Variants in OTOG observed in about 807,000 individuals in gnomAD.
The protein encoded by OTOG is otogelin.
In OTOG, 296 loss-of-function variants were observed where a neutral mutation model predicts 313.8. The observed-to-expected ratio is 0.94, with a 90% confidence interval of 0.86 to 1.04. OTOG has a LOEUF of 1.04. OTOG is among the 50% of genes least tolerant of loss of function. The pLI is 0.00. For synonymous variants in OTOG, 1,533 were observed against 1,554.9 expected, an observed-to-expected ratio of 0.99 and a Z score of 0.33; for missense variants, 3,948 against 3,840.1, an observed-to-expected ratio of 1.03 and a Z score of -0.74.
intron 15 of OTOG, among the ~76,000 whole-genome samples, chr11:17,567,266 T>C (rs2134018443): frequency 6.6e-6 from 1 of 152,298 alleles, no homozygotes; most frequent in Non-Finnish European, 1.5e-5. Flanking sequence ...TTAGATACAA[T>C]GATTTTGAGC....
chr11:17,572,018 C>T (rs1565098092), intron 17 of OTOG, 62 bp from the exon 18 acceptor site: 1 of 1,544,904 alleles, frequency 6.5e-7, no homozygotes, highest in East Asian at 2.5e-5. Flanking sequence ...TGGATCTATG[C>T]TATTTGTGCC....
chr11:17,630,071 A>G (rs1207814083), intron 40 of OTOG, among the ~76,000 whole-genome samples: 1 of 151,988 alleles, frequency 6.6e-6, no homozygotes, highest in Non-Finnish European at 1.5e-5. Context: ...CTGCATCCAA[A>G]TTCCCTCTAC....
intron 22 of OTOG, among the ~76,000 whole-genome samples, chr11:17,577,914 T>C (rs1852570036): frequency 6.6e-6 from 1 of 151,136 alleles, no homozygotes; most frequent in Non-Finnish European, 1.5e-5. Context: ...GTGACTCTCC[T>C]TGTCATTCAG....
At chr11:17,548,828 G>A (rs1036604855) in intron 3 of OTOG, among the ~76,000 whole-genome samples, 1 of 151,972 alleles carries the variant, frequency 6.6e-6, no homozygotes, top group Non-Finnish European at 1.5e-5. Flanking sequence ...AGTGATCCTG[G>A]TGCCTCCGTT....
At chr11:17,609,456 C>A (rs1341099377) in intron 35 of OTOG, among the ~76,000 whole-genome samples, 199 bp from the exon 36 acceptor site, 1 of 152,018 alleles carries the variant, frequency 6.6e-6, no homozygotes, top group Non-Finnish European at 1.5e-5. Flanking sequence ...CAGACTTAGA[C>A]CTGAGGTCTC....
In OTOG at chr11:17,640,985, C is replaced by A. The variant is rs1043470591; in HGVS notation, c.8084C>A (p.Ala2695Glu). 2 of 1,548,560 alleles carry A rather than the reference C, an allele frequency of 1.3e-6. No individual in the cohort carries two copies. The highest frequency in any genetic ancestry group is 2.0e-5 in the Admixed American group (1 of 51,012). The change falls in exon 51 of 56, where the codon GCA becomes GAA. Residue 2695 changes from alanine (A) to glutamate (E), a missense_variant. Transcript: ENST00000399397. ...GGCCAGACAGTGGTGGAGCTCTCAG[C>A]AGATGGCGTGTGCCACACCTCCCGC... Reference protein sequence around the residue: ...QPGQTVVELSADGVCHTSRCT... With the variant: ...QPGQTVVELSEDGVCHTSRCT...
intron 33 of OTOG, 31 bp downstream of exon 33, chr11:17,606,166 C>T (rs754504529): frequency 3.3e-6 from 5 of 1,501,510 alleles, no homozygotes; most frequent in Non-Finnish European, 4.5e-6. Flanking sequence ...GCCCTCGGCC[C>T]TTTGGCCCTC....
At chr11:17,608,845 T>C (rs930684319) in intron 34 of OTOG, among the ~76,000 whole-genome samples, 2 of 152,148 alleles carry the variant, frequency 1.3e-5, no homozygotes, top group Non-Finnish European at 2.9e-5. Context: ...CATGTGAACA[T>C]GTACATGAGT....
At chr11:17,583,286 C>T (rs556038761) in intron 23 of OTOG, among the ~76,000 whole-genome samples, 352 of 152,168 alleles carry the variant, frequency 2.3e-3, no homozygotes, top group Non-Finnish European at 4.2e-3. Flanking sequence ...AGGTGTGCAC[C>T]ACTATACCTG....
At chr11:17,606,353 A>G (rs868151834) in intron 33 of OTOG, among the ~76,000 whole-genome samples, 10 of 152,220 alleles carry the variant, frequency 6.6e-5, no homozygotes, top group Admixed American at 2.0e-4. Context: ...GGGTCCAGCC[A>G]ATTTCCTGGG....
At chr11:17,571,964 T>A in intron 17 of OTOG, 116 bp from the exon 18 acceptor site, 2 of 1,372,342 alleles carry the variant, frequency 1.5e-6, no homozygotes, top group Non-Finnish European at 9.9e-7. Flanking sequence ...TATGGATGTG[T>A]AGATTATGAC....
rs554063575 is a variant in OTOG, at chr11:17,597,008, G to A, written c.3682+1G>A. 9.8e-5 allele frequency: 152 copies of A among 1,549,832 alleles called. 2 individuals are homozygous for A. In the South Asian group the frequency reaches 1.6e-3, roughly 16 times the overall value. On this transcript the variant is annotated splice_donor_variant, in intron 30 of 55. Transcript: ENST00000399397. LOFTEE classifies it high-confidence loss of function. ...GACTGGCGAACCCCCCGCCTCTGCC[G>A]TGAGTGTCCCAGACAATCACCTGAG... is the stretch of plus-strand genomic sequence containing the variant.
chr11:17,554,741 G>T (rs964363297), intron 6 of OTOG, among the ~76,000 whole-genome samples: 13 of 152,228 alleles, frequency 8.5e-5, no homozygotes, highest in African/African-American at 2.7e-4. Context: ...ACATAGCAGA[G>T]ATTTTCATGA....
At chr11:17,613,762 TC>T in intron 39 of OTOG, 61 bp downstream of exon 39, 1 of 1,399,514 alleles carries the variant, frequency 7.1e-7, no homozygotes, top group African/African-American at 1.4e-5. Flanking sequence ...GGACAGGGCA[TC>T]CAGGGGTGGA....
At chr11:17,641,591 T>C (rs1404898806) in intron 51 of OTOG, among the ~76,000 whole-genome samples, 1 of 152,026 alleles carries the variant, frequency 6.6e-6, no homozygotes, top group Non-Finnish European at 1.5e-5. Context: ...TGGAGGTCTG[T>C]CTGGAATAAA....
rs1167964256 is a variant in OTOG at position 17,558,575 on chromosome 11, C to G, written c.1034C>G (p.Pro345Arg). Reference sequence around the variant, plus strand: ...CAGTGTGAGGCTCTACTGCGGCCCCCCTTTGACGCCTGCCACGCCTACGTC... The same window carrying G: ...CAGTGTGAGGCTCTACTGCGGCCCCGCTTTGACGCCTGCCACGCCTACGTC... ...YEQCEALLRP[P>R]FDACHAYVSP... Residue 345 changes from proline (P) to arginine (R), a missense_variant, in exon 10 of 56, where the codon CCC becomes CGC. Physicochemically the swap from Pro to Arg is moderately radical, Grantham distance 103 (BLOSUM62 -2). Transcript: ENST00000399397. The G allele has an allele frequency of 9.7e-6, 15 of 1,550,428 alleles. No homozygotes were observed. The highest frequency in any genetic ancestry group is 1.2e-5 in the Non-Finnish European group (14 of 1,147,010).
intron 23 of OTOG, among the ~76,000 whole-genome samples, chr11:17,580,177 T>A (rs1852634044): frequency 6.6e-6 from 1 of 152,236 alleles, no homozygotes; most frequent in African/African-American, 2.4e-5. Context: ...TCTGTGGCTG[T>A]CTGTGTGCCT....
intron 15 of OTOG, among the ~76,000 whole-genome samples, chr11:17,565,620 T>C (rs1346830613): frequency 6.6e-6 from 1 of 152,250 alleles, no homozygotes; most frequent in Non-Finnish European, 1.5e-5. Flanking sequence ...AGAACTTTTC[T>C]GCCAGGGAGA....
intron 4 of OTOG, among the ~76,000 whole-genome samples, chr11:17,552,670 G>C (rs914121286): frequency 7.6e-6 from 1 of 131,616 alleles, no homozygotes; most frequent in African/African-American, 2.9e-5. Flanking sequence ...TCTTCCCTTC[G>C]TCTATGGTTG....
Sources: gnomAD v4.1 joint callset for allele counts (sites outside exome capture counted in the v4.1 genomes callset) on GRCh38, gnomAD v4.1.1 for gene constraint, MANE v1.5 for transcripts, NCBI Gene and HGNC (gene_info 2026-07-23, HGNC 2026-07-21) for gene names.